COL5A1: variants seen among roughly 807,000 people sequenced by gnomAD.
COL5A1 encodes collagen alpha-1(V) chain.
A neutral mutation model predicts 263.7 loss-of-function variants in COL5A1; 16 were observed. The observed-to-expected ratio is 0.06, with a 90% CI of 0.04 to 0.09. The LOEUF (loss-of-function observed/expected upper bound fraction) is 0.09, where lower values mean the gene tolerates loss of function less well. Among genes scored for constraint, COL5A1 ranks in the 10% least tolerant of loss-of-function variants. The probability of loss-of-function intolerance (pLI) is 1.00; values close to 1 mark genes in which losing one functional copy is unlikely to be tolerated. For synonymous variants in COL5A1, 1,012 were observed against 1,004.5 expected (o/e 1.01, Z -0.14); for missense variants, 2,036 against 2,540.5 (o/e 0.80, Z 4.27).
intron 26 of COL5A1, 52 bp downstream of exon 26, chr9:134,772,886 C>T: frequency 6.3e-7 from 1 of 1,575,942 alleles, no homozygotes; most frequent in Non-Finnish European, 8.7e-7. Context: ...GGGGCGGGTC[C>T]AGGTGCTCTG....
chr9:134,811,111 G>A (rs1838506036), intron 44 of COL5A1, among the ~76,000 whole-genome samples: 2 of 152,214 alleles, frequency 1.3e-5, no homozygotes, highest in South Asian at 2.1e-4. Flanking sequence ...AGAGACATTG[G>A]GGGCAGCTCT....
intron 2 of COL5A1, among the ~76,000 whole-genome samples, chr9:134,697,276 T>C (rs1833514354): frequency 6.6e-6 from 1 of 152,098 alleles, no homozygotes; most frequent in South Asian, 2.1e-4. Context: ...TCCATTGTTA[T>C]TTTGCCAGGA....
At chr9:134,745,624 C>A (rs764567612) in intron 11 of COL5A1, among the ~76,000 whole-genome samples, 1 of 152,140 alleles carries the variant, frequency 6.6e-6, no homozygotes, top group Non-Finnish European at 1.5e-5. Context: ...CCCTAGGGCT[C>A]CTGGAAGAGT....
chr9:134,744,669 GCA>G (rs1247616971), intron 11 of COL5A1, among the ~76,000 whole-genome samples: 7 of 141,160 alleles, frequency 5.0e-5, no homozygotes, highest in Admixed American at 1.4e-4. Context: ...TCACACACAT[GCA>G]CACACATTCA....
At chr9:134,759,320 ACACACATG>A (rs1564437434) in intron 18 of COL5A1, among the ~76,000 whole-genome samples, 1 of 139,854 alleles carries the variant, frequency 7.2e-6, no homozygotes, top group Non-Finnish European at 1.5e-5. Context: ...CCACACTCAT[ACACACATG>A]CACACAAGCA....
rs552212985 is a variant in COL5A1, at chr9:134,822,280, G to A, written c.4608+130G>A. On this transcript the variant is annotated intron_variant, in intron 59 of 65. Coordinates refer to ENST00000371817, the MANE Select transcript of COL5A1 (RefSeq NM_000093.5). The stretch of plus-strand genomic sequence containing the variant: ...AGAAGCTGGAATTGGGGCCTCCAGG[G>A]TGGATTTGCCCATTAACTCAACATT... 4.5e-4 allele frequency: 349 copies of A among 779,540 alleles called. 7 individuals are homozygous for A. In the South Asian group the frequency reaches 5.1e-3, roughly 11 times the overall value. The allele number at this position is 779,540 out of a possible 1,614,324, so 48.3% of individuals were successfully genotyped here. A position where few individuals can be genotyped will look rare whatever the true frequency, so the allele number is the denominator to read the frequency against.
At chr9:134,747,989 T>G (rs1564428972) in intron 11 of COL5A1, among the ~76,000 whole-genome samples, 1 of 121,192 alleles carries the variant, frequency 8.3e-6, no homozygotes, top group African/African-American at 3.3e-5. Flanking sequence ...ACACATGCAT[T>G]CACACACACA....
chr9:134,762,076 G>C (rs1836468720), intron 19 of COL5A1, 98 bp downstream of exon 19: 1 of 1,300,916 alleles, frequency 7.7e-7, no homozygotes, highest in Non-Finnish European at 1.1e-6. Flanking sequence ...TGTGGGATTG[G>C]CCTGCCGCAT....
At chr9:134,774,305 G>C (rs908767241) in intron 26 of COL5A1, among the ~76,000 whole-genome samples, 1 of 152,204 alleles carries the variant, frequency 6.6e-6, no homozygotes, top group Non-Finnish European at 1.5e-5. Flanking sequence ...CATGTGGAAA[G>C]GGGGCTGGGA....
At chr9:134,811,649 C>A (rs767434677) in intron 46 of COL5A1, 50 bp downstream of exon 46, 165 of 1,403,862 alleles carry the variant, frequency 1.2e-4, no homozygotes, top group Non-Finnish European at 1.6e-4. Flanking sequence ...CTGACGCCCC[C>A]TGTGTCTTCA....
At chr9:134,687,706 C>T (rs925382005) in intron 1 of COL5A1, among the ~76,000 whole-genome samples, 2 of 152,180 alleles carry the variant, frequency 1.3e-5, no homozygotes, top group Non-Finnish European at 2.9e-5. Flanking sequence ...GATGCCATCT[C>T]GTCTTCACTG....
rs1830185174 is a variant in COL5A1 at position 134,844,260 on chromosome 9, CTG to C, written c.*1958_*1959del. The C allele has an allele frequency of 6.5e-6, 1 of 152,696 alleles. No individual in the cohort carries two copies. Among genetic ancestry groups the C allele is most frequent in the Non-Finnish European group, 1.5e-5 (1 of 68,054 alleles). The allele number at this position is 152,696 out of a possible 1,614,324, so 9.5% of individuals were successfully genotyped here. On this transcript the variant is annotated 3_prime_UTR_variant, in exon 66 of 66. Transcript: ENST00000371817. Reference sequence around the variant, plus strand: ...AAGAAAAGTCTGGCTTGGAGAGTCTCTGGAGCCCAGGATGCCAGCATGTGCCA... The same window carrying C: ...AAGAAAAGTCTGGCTTGGAGAGTCTCGAGCCCAGGATGCCAGCATGTGCCA...
chr9:134,768,537 G>T, intron 25 of COL5A1, 74 bp downstream of exon 25: 1 of 1,458,082 alleles, frequency 6.9e-7, no homozygotes, highest in Non-Finnish European at 9.6e-7. Flanking sequence ...GCAGGCCCAG[G>T]CTCTTTGGGG....
At chr9:134,645,248 C>G (rs962045380) in intron 1 of COL5A1, among the ~76,000 whole-genome samples, 1 of 152,232 alleles carries the variant, frequency 6.6e-6, no homozygotes, top group Non-Finnish European at 1.5e-5. Context: ...GCAGATATTT[C>G]TGGACTCCCC....
intron 6 of COL5A1, among the ~76,000 whole-genome samples, chr9:134,729,221 C>T (rs560994470): frequency 2.0e-5 from 3 of 152,160 alleles, no homozygotes; most frequent in African/African-American, 4.8e-5. Context: ...AGGTCGGCCT[C>T]GGGTCCTCCC....
intron 2 of COL5A1, among the ~76,000 whole-genome samples, chr9:134,693,188 A>C (rs1833343534): frequency 6.6e-6 from 1 of 152,064 alleles, no homozygotes; most frequent in Admixed American, 6.5e-5. Flanking sequence ...TTATCTACAG[A>C]TCAGTTGGTT....
intron 1 of COL5A1, among the ~76,000 whole-genome samples, chr9:134,690,261 C>A (rs575455630): frequency 6.6e-6 from 1 of 152,168 alleles, no homozygotes; most frequent in East Asian, 1.9e-4. Flanking sequence ...AAACTGCACA[C>A]CCGCTGTAAA....
intron 63 of COL5A1, among the ~76,000 whole-genome samples, chr9:134,828,452 A>G (rs1401499995): frequency 6.8e-6 from 1 of 145,992 alleles, no homozygotes; most frequent in African/African-American, 2.7e-5. Context: ...ACACACACAC[A>G]CACGCAGATG....
chr9:134,782,554 C>G, intron 28 of COL5A1, 113 bp from the exon 29 acceptor site: 1 of 998,962 alleles, frequency 1.0e-6, no homozygotes, highest in Non-Finnish European at 1.6e-6. Flanking sequence ...CATGTGCTGC[C>G]CCCCAAGCGT....
Sources: allele counts gnomAD v4.1 joint callset (sites outside exome capture counted in the v4.1 genomes callset), GRCh38; gene constraint gnomAD v4.1.1; transcripts MANE v1.5; gene names NCBI Gene and HGNC (gene_info 2026-07-23, HGNC 2026-07-21).